Variants in SEMA3E observed in about 807,000 individuals in gnomAD.
SEMA3E encodes semaphorin 3E, also known as semaphorin-3E.
A neutral mutation model predicts 93.6 loss-of-function variants in SEMA3E; 49 were observed. The observed-to-expected ratio is 0.52, with a 90% CI of 0.42 to 0.66. SEMA3E has a LOEUF of 0.66. Among genes scored for constraint, SEMA3E ranks in the 30% least tolerant of loss-of-function variants. The pLI, the probability that SEMA3E is intolerant of heterozygous loss-of-function variation, is 0.00. For missense variants in SEMA3E, 906 were observed against 964.8 expected, an observed-to-expected ratio of 0.94 and a Z score of 0.81; for synonymous variants, 363 against 330.7, an observed-to-expected ratio of 1.10 and a Z score of -1.06.
rs1794634859 is a variant in SEMA3E at position 83,364,332 on chromosome 7, G to C, written c.*3254C>G. ...GATTTACAAAACCCTAAAACCTATA[G>C]CAAATATCGAACACTCATTACAAAC... is the stretch of plus-strand genomic sequence containing the variant. On this transcript the variant is annotated 3_prime_UTR_variant, in exon 17 of 17. Transcript: ENST00000643230. 1 of 152,118 alleles carries C rather than the reference G, an allele frequency of 6.6e-6. No homozygotes were observed. The highest frequency in any genetic ancestry group is 2.4e-5 in the African/African-American group (1 of 41,434). The allele number at this position is 152,118 out of a possible 1,614,324, so 9.4% of individuals were successfully genotyped here.
At chr7:83,605,630 A>G (rs1040251015) in intron 1 of SEMA3E, among the ~76,000 whole-genome samples, 1 of 151,898 alleles carries the variant, frequency 6.6e-6, no homozygotes, top group Non-Finnish European at 1.5e-5. Flanking sequence ...GGGTTTCACC[A>G]TGTTGGTTAG....
At chr7:83,378,637 G>A (rs1787709624) in intron 16 of SEMA3E, among the ~76,000 whole-genome samples, 1 of 151,726 alleles carries the variant, frequency 6.6e-6, no homozygotes, top group African/African-American at 2.4e-5. Flanking sequence ...CTTGGTCCTC[G>A]TTTTATGCAT....
chr7:83,589,129 T>C (rs1043189750), intron 1 of SEMA3E, among the ~76,000 whole-genome samples: 9 of 152,202 alleles, frequency 5.9e-5, no homozygotes, highest in African/African-American at 2.2e-4. Flanking sequence ...CAGCCAATTA[T>C]CATTTTCTTA....
chr7:83,373,497 T>A (rs1009953238), intron 16 of SEMA3E, among the ~76,000 whole-genome samples: 1 of 152,106 alleles, frequency 6.6e-6, no homozygotes, highest in Non-Finnish European at 1.5e-5. Flanking sequence ...AAAAACACTT[T>A]CCAACATAAA....
chr7:83,624,198 T>C (rs1793623788), intron 1 of SEMA3E, among the ~76,000 whole-genome samples: 1 of 152,182 alleles, frequency 6.6e-6, no homozygotes, highest in Admixed American at 6.5e-5. Flanking sequence ...TGTGCATGTG[T>C]CTTTATAGTA....
At chr7:83,368,298 A>G (rs1050022830) in intron 16 of SEMA3E, among the ~76,000 whole-genome samples, 3 of 151,640 alleles carry the variant, frequency 2.0e-5, no homozygotes, top group African/African-American at 7.3e-5. Flanking sequence ...ATCATTTTAT[A>G]TCAATACTGT....
At chr7:83,420,166 T>G (rs1788644150) in intron 4 of SEMA3E, among the ~76,000 whole-genome samples, 1 of 152,074 alleles carries the variant, frequency 6.6e-6, no homozygotes. Flanking sequence ...GAGAGCCAAA[T>G]TAAGAACACA....
chr7:83,433,413 C>A (rs2115753669), intron 4 of SEMA3E, among the ~76,000 whole-genome samples: 1 of 152,196 alleles, frequency 6.6e-6, no homozygotes, highest in East Asian at 1.9e-4. Flanking sequence ...TTGACTCTTG[C>A]TCATATCCCA....
intron 1 of SEMA3E, among the ~76,000 whole-genome samples, chr7:83,552,537 T>A (rs748350360): frequency 7.9e-5 from 12 of 152,198 alleles, no homozygotes; most frequent in Non-Finnish European, 1.6e-4. Context: ...CATATTTTTC[T>A]TCTTGCAGAG....
At chr7:83,472,271 C>G (rs1241984797) in intron 2 of SEMA3E, among the ~76,000 whole-genome samples, 1 of 152,156 alleles carries the variant, frequency 6.6e-6, no homozygotes, top group African/African-American at 2.4e-5. Flanking sequence ...GTGTCAGGTG[C>G]TTTAAATACA....
intron 5 of SEMA3E, among the ~76,000 whole-genome samples, chr7:83,416,699 A>G (rs1788547740): frequency 1.3e-5 from 2 of 152,026 alleles, no homozygotes; most frequent in Non-Finnish European, 2.9e-5. Flanking sequence ...AGTCTTTGCA[A>G]GATACTATAT....
chr7:83,489,749 C>T (rs1790341522), intron 2 of SEMA3E, among the ~76,000 whole-genome samples: 1 of 150,334 alleles, frequency 6.7e-6, no homozygotes, highest in South Asian at 2.1e-4. Context: ...ACATATTTAA[C>T]ATTTCTTCAA....
chr7:83,619,150 T>A (rs1489122322), intron 1 of SEMA3E, among the ~76,000 whole-genome samples: 1 of 151,886 alleles, frequency 6.6e-6, no homozygotes, highest in Non-Finnish European at 1.5e-5. Context: ...TCTGGATGCT[T>A]ATTTTTGTTC....
intron 4 of SEMA3E, chr7:83,462,238 G>A (rs1443028393): frequency 6.6e-6 from 1 of 152,084 alleles, no homozygotes; most frequent in East Asian, 1.9e-4. Context: ...TAATCAATAT[G>A]GAGGCTACCC....
intron 2 of SEMA3E, among the ~76,000 whole-genome samples, chr7:83,486,667 C>A (rs991620143): frequency 6.6e-6 from 1 of 151,964 alleles, no homozygotes; most frequent in Non-Finnish European, 1.5e-5. Context: ...TCTGAAGAAA[C>A]GGGAAGAACA....
In SEMA3E at chr7:83,559,650, T is replaced by C. The variant is rs1233395569; in HGVS notation, c.116-69376A>G. Among the ~76,000 whole-genome samples, 3 of 152,158 alleles carry C rather than the reference T, an allele frequency of 2.0e-5. No homozygotes were observed. The East Asian group carries it at 5.8e-4, about 29-fold the overall frequency. On this transcript the variant is annotated intron_variant, in intron 1 of 16. Transcript: ENST00000643230. The stretch of plus-strand genomic sequence containing the variant: ...GGCAAAATGAGACAGCCACTTTGGA[T>C]GACAATTTGGCAGTTCCTTACAAAA...
At chr7:83,490,638 A>G (rs1790364580) in intron 1 of SEMA3E, among the ~76,000 whole-genome samples, 1 of 152,072 alleles carries the variant, frequency 6.6e-6, no homozygotes, top group South Asian at 2.1e-4. Context: ...TAAATTCCAG[A>G]TAAATGCCAC....
At chr7:83,470,434 T>G (rs1384685054) in intron 2 of SEMA3E, among the ~76,000 whole-genome samples, 2 of 152,158 alleles carry the variant, frequency 1.3e-5, no homozygotes, top group Non-Finnish European at 2.9e-5. Context: ...TGCCAGGCAT[T>G]GTGTTTTGAA....
intron 2 of SEMA3E, among the ~76,000 whole-genome samples, chr7:83,472,214 C>G (rs1204068218): frequency 6.6e-6 from 1 of 152,180 alleles, no homozygotes; most frequent in Non-Finnish European, 1.5e-5. Context: ...TACCAGCAAT[C>G]CATGCCCCCA....
Sources: gnomAD v4.1 joint callset for allele counts (sites outside exome capture counted in the v4.1 genomes callset) on GRCh38, gnomAD v4.1.1 for gene constraint, MANE v1.5 for transcripts, NCBI Gene and HGNC (gene_info 2026-07-23, HGNC 2026-07-21) for gene names.